The following CFAP410 variants were observed in gnomAD, a reference collection of about 807,000 sequenced individuals.
The protein encoded by CFAP410 is cilia- and flagella-associated protein 410.
A neutral mutation model predicts 25.7 loss-of-function variants in CFAP410; 27 were observed. That is an observed-to-expected ratio of 1.05 (90% CI 0.77 to 1.45). The LOEUF (loss-of-function observed/expected upper bound fraction) is 1.45. CFAP410 is among the 40% of genes most tolerant of loss of function. The probability of loss-of-function intolerance (pLI) is 0.00; values close to 1 mark genes in which losing one functional copy is unlikely to be tolerated. For synonymous variants in CFAP410, 178 were observed against 158.4 expected, an observed-to-expected ratio of 1.12 and a Z score of -0.93; for missense variants, 428 against 354.1, an observed-to-expected ratio of 1.21 and a Z score of -1.67.
Position 44,330,311 on chromosome 21 carries a change from T to TGGCAGTCAGGAC in CFAP410, c.646_657dup (p.Val216_Ala219dup). On this transcript the variant is annotated inframe_insertion, in exon 7 of 7. Coordinates refer to ENST00000339818, the MANE Select transcript of CFAP410 (RefSeq NM_004928.3). ...TCCAGCTCCCGCAGCAGCAGCAGGA[T>TGGCAGTCAGGAC]GGCAGTCAGGACGTTCTGAGGGCAG... The TGGCAGTCAGGAC allele has an allele frequency of 2.5e-6, 4 of 1,610,854 alleles. No homozygotes were observed. The highest frequency in any genetic ancestry group is 3.4e-6 in the Non-Finnish European group (4 of 1,179,004).
rs781706677 is a variant in CFAP410, at chr21:44,330,227, C to G, written c.742G>C (p.Gly248Arg). The G allele has an allele frequency of 6.3e-6, 10 of 1,583,640 alleles. No homozygotes were observed. The highest frequency in any genetic ancestry group is 6.9e-6 in the Non-Finnish European group (8 of 1,167,820). The change falls in exon 7 of 7, where the codon GGG becomes CGG. Residue 248 changes from glycine (G) to arginine (R), a missense_variant. Coordinates refer to ENST00000339818, the MANE Select transcript of CFAP410 (RefSeq NM_004928.3). ...TVGSRLQALR[G>R]EEVQEHAE ...TCGGCGTGCTCCTGCACCTCTTCCC[C>G]ACGCAGGGCCTGCAGCCGGCTGCCC... is the stretch of plus-strand genomic sequence containing the variant.
chr21:44,330,506 C>A, intron 6 of CFAP410, 180 bp from the exon 7 acceptor site: 1 of 1,545,596 alleles, frequency 6.5e-7, no homozygotes, highest in South Asian at 1.2e-5. Context: ...CGCCTGTGGA[C>A]GCGTGTGTGG....
chr21:44,331,517 G>A, intron 5 of CFAP410: 1 of 372,488 alleles, frequency 2.7e-6, no homozygotes, highest in Non-Finnish European at 4.9e-6. Context: ...GTGGCCCTAG[G>A]CCACCCCCCC....
Position 44,331,980 on chromosome 21 carries a change from A to C in CFAP410, c.408T>G (p.Ser136Arg), listed in dbSNP as rs2047657820. 6 of 1,609,780 alleles carry C rather than the reference A, an allele frequency of 3.7e-6. No individual in the cohort carries two copies. The East Asian group carries it at 9.0e-5, about 24-fold the overall frequency. ...VTEEELSRALSEGEEITAAPE... is the reference protein window; with the variant it reads ...VTEEELSRALREGEEITAAPE... ...GGGCCGCAGTGATCTCCTCTCCCTC[A>C]CTCAGTGCACGGGACAGCTCCTCCT... The change falls in exon 5 of 7, where the codon AGT (serine) becomes AGG (arginine). Residue 136 changes from serine to arginine, a missense_variant. Coordinates refer to ENST00000339818, the MANE Select transcript of CFAP410 (RefSeq NM_004928.3).
intron 1 of CFAP410, chr21:44,338,784 CTCCTCCCTCCGGCTCCGCCCTCGT>C (rs2047804973): frequency 1.6e-5 from 2 of 126,088 alleles, no homozygotes. Flanking sequence ...CCCGCCCCGG[CTCCTCCCTCCGGCTCCGCCCTCGT>C]CCCGCCCCGG....
chr21:44,338,256 CT>C (rs371672911), intron 1 of CFAP410: 2 of 1,282,082 alleles, frequency 1.6e-6, no homozygotes, highest in Middle Eastern at 2.1e-4. Context: ...GCGGACACCC[CT>C]GGGAGGAAGC....
rs2047780803 is a variant in CFAP410 at position 44,337,641 on chromosome 21, ATACT to A, written c.96+4_96+7del. ...GTGCAATACTTACATCTGTGAGGCA[ATACT>A]TACATCTGTGAGGCGGCTGCCCCTG... On this transcript the variant is annotated splice_donor_5th_base_variant and intron_variant, in intron 2 of 6. Coordinates refer to ENST00000339818, the MANE Select transcript of CFAP410 (RefSeq NM_004928.3). 6.8e-6 allele frequency: 11 copies of A among 1,612,016 alleles called. No homozygotes were observed. The highest frequency in any genetic ancestry group is 1.3e-5 in the African/African-American group (1 of 74,894).
chr21:44,332,090 T>A, intron 4 of CFAP410, 76 bp from the exon 5 acceptor site: 2 of 1,271,356 alleles, frequency 1.6e-6, no homozygotes, highest in Non-Finnish European at 2.2e-6. Flanking sequence ...GCTCCCGTCC[T>A]CACTGTGGCT....
intron 3 of CFAP410, chr21:44,334,793 G>A (rs2047722947): frequency 5.7e-6 from 1 of 176,790 alleles, no homozygotes; most frequent in Non-Finnish European, 1.2e-5. Context: ...GCCCGCGCTG[G>A]GGATGCCTGA....
At chr21:44,330,529 G>A (rs1179163230) in intron 6 of CFAP410, 18 of 1,548,132 alleles carry the variant, frequency 1.2e-5, no homozygotes, top group African/African-American at 5.5e-5. Context: ...CCTCTTCCAC[G>A]TGACTCCTGT....
At chr21:44,334,178 G>T (rs746114465) in intron 3 of CFAP410, 1 of 456,346 alleles carries the variant, frequency 2.2e-6, no homozygotes, top group Middle Eastern at 3.3e-4. Context: ...CCGCTCCAGT[G>T]CAGTCAGGCG....
rs965666720 is a variant in CFAP410, at chr21:44,330,189, G to A, written c.*9C>T. 4 of 1,556,784 alleles carry A rather than the reference G, an allele frequency of 2.6e-6. No homozygotes were observed. The highest frequency in any genetic ancestry group is 3.5e-6 in the Non-Finnish European group (4 of 1,156,338). On this transcript the variant is annotated 3_prime_UTR_variant, in exon 7 of 7. Transcript: ENST00000339818. ...CCGTGGAGGCTGGAGCGGCGTTCAG[G>A]TCCTGCGGTCACTCGGCGTGCTCCT... is the stretch of plus-strand genomic sequence containing the variant.
chr21:44,335,132 TC>T (rs1032465639), intron 3 of CFAP410: 3 of 153,952 alleles, frequency 1.9e-5, no homozygotes, highest in African/African-American at 7.2e-5. Flanking sequence ...GAGCGTCTGC[TC>T]CCTCCGTGGG....
chr21:44,335,597 C>G, intron 3 of CFAP410, 161 bp downstream of exon 3: 1 of 637,190 alleles, frequency 1.6e-6, no homozygotes, highest in Non-Finnish European at 2.8e-6. Context: ...ACAGGGTAGG[C>G]CCAGCTCTCG....
chr21:44,332,280 A>C, intron 4 of CFAP410: 1 of 428,414 alleles, frequency 2.3e-6, no homozygotes, highest in Non-Finnish European at 4.1e-6. Context: ...AATACTCCTC[A>C]AAACCTCAAC....
chr21:44,334,700 A>C, intron 3 of CFAP410: 1 of 244,520 alleles, frequency 4.1e-6, no homozygotes, highest in Non-Finnish European at 8.2e-6. Context: ...CAGCCAATAG[A>C]TGGGAGGGCT....
At chr21:44,331,345 A>C in intron 5 of CFAP410, 1 of 262,026 alleles carries the variant, frequency 3.8e-6, no homozygotes, top group Non-Finnish European at 7.3e-6. Flanking sequence ...CAAGCAGGAG[A>C]GAAGTGCCCA....
chr21:44,334,674 C>T lies in CFAP410; in HGVS notation c.143+1084G>A, dbSNP rs373854808. On this transcript the variant is annotated intron_variant, in intron 3 of 6. Transcript: ENST00000339818. ...AACTGAGGCACAGAGAGGGCCATGCCTCGCCCAAGGTTAGCCAGCCAATAG... is the reference window on the plus strand; with the variant it reads ...AACTGAGGCACAGAGAGGGCCATGCTTCGCCCAAGGTTAGCCAGCCAATAG... 3.5e-4 allele frequency: 90 copies of T among 260,390 alleles called. No individual in the cohort carries two copies. The East Asian group carries it at 7.8e-3, about 23-fold the overall frequency. 16.1% of individuals were successfully genotyped at this position (260,390 alleles called of 1,614,324 possible).
At position 44,330,209 on chromosome 21, in the gene CFAP410, GCTC is replaced by G; in HGVS notation, c.757_759del (p.Glu253del). On this transcript the variant is annotated inframe_deletion, in exon 7 of 7. Transcript: ENST00000339818. The stretch of plus-strand genomic sequence containing the variant: ...TTCAGGTCCTGCGGTCACTCGGCGT[GCTC>G]CTGCACCTCTTCCCCACGCAGGGCC... 2 of 1,571,780 alleles carry G rather than the reference GCTC, an allele frequency of 1.3e-6. No homozygotes were observed. The highest frequency in any genetic ancestry group is 1.7e-6 in the Non-Finnish European group (2 of 1,162,768).
Sources: gnomAD v4.1 joint callset for allele counts on GRCh38, gnomAD v4.1.1 for gene constraint, MANE v1.5 for transcripts, NCBI Gene and HGNC (gene_info 2026-07-23, HGNC 2026-07-21) for gene names.